Variants in PRTG observed in about 807,000 individuals in gnomAD.
PRTG encodes the protein protogenin, also known as immunoglobulin superfamily, DCC subclass, member 5.
In PRTG, 67 loss-of-function variants were observed where a neutral mutation model predicts 122.5. The observed-to-expected ratio is 0.55, with a 90% CI of 0.45 to 0.67. The LOEUF (loss-of-function observed/expected upper bound fraction) is 0.67. PRTG is among the 30% of genes least tolerant of loss of function. The pLI is 0.00. For synonymous variants in PRTG, 554 were observed against 501.1 expected (o/e 1.11, Z -1.41); for missense variants, 1,435 against 1,415.4 (o/e 1.01, Z -0.22).
chr15:55,742,494 A>AAGCAAAG, intron 1 of PRTG: 1 of 203,842 alleles, frequency 4.9e-6, no homozygotes, highest in Non-Finnish European at 9.7e-6. Flanking sequence ...CCGGTCGCGG[A>AAGCAAAG]GGCGCGGACG....
intron 2 of PRTG, among the ~76,000 whole-genome samples, chr15:55,715,815 C>T (rs1054900864): frequency 6.6e-6 from 1 of 152,206 alleles, no homozygotes; most frequent in East Asian, 1.9e-4. Flanking sequence ...CTTGGTCTCT[C>T]AGCAAACATG....
At position 55,615,948 on chromosome 15, in the gene PRTG, T is replaced by A. The variant is rs759809526; in HGVS notation, c.*4064A>T. 2 of 152,144 alleles carry A rather than the reference T, an allele frequency of 1.3e-5. No homozygotes were observed. The allele number at this position is 152,144 out of a possible 1,614,324, so 9.4% of individuals were successfully genotyped here. ...TCCTGGGTTGTCAACCACGAGCACA[T>A]TTCTGGCAGAAGTCCTTAACAAAGC... On this transcript the variant is annotated 3_prime_UTR_variant, in exon 20 of 20. Coordinates refer to ENST00000389286, the MANE Select transcript of PRTG (RefSeq NM_173814.6).
chr15:55,723,752 CTTTTTTT>C (rs769469226), intron 2 of PRTG, among the ~76,000 whole-genome samples: 1,793 of 127,104 alleles, frequency 0.014, 42 homozygotes, highest in African/African-American at 0.05. Flanking sequence ...TTTCTTTTTT[CTTTTTTT>C]TTTTTTTTTT....
chr15:55,645,193 TG>T (rs1156949450), intron 11 of PRTG, among the ~76,000 whole-genome samples: 2 of 151,478 alleles, frequency 1.3e-5, no homozygotes, highest in African/African-American at 4.8e-5. Context: ...CCCAGCACTT[TG>T]GGAGGCCGAG....
intron 15 of PRTG, 31 bp downstream of exon 15, chr15:55,637,139 T>C: frequency 7.0e-7 from 1 of 1,421,864 alleles, no homozygotes; most frequent in South Asian, 1.7e-5. Context: ...AATCGTACTT[T>C]TCACCCTTCA....
intron 2 of PRTG, among the ~76,000 whole-genome samples, chr15:55,729,780 A>T (rs1271576461): frequency 1.3e-5 from 2 of 152,180 alleles, no homozygotes; most frequent in Non-Finnish European, 2.9e-5. Flanking sequence ...ACTATAAAAG[A>T]GTCTCACTCC....
chr15:55,660,006 C>A (rs1425077673), intron 11 of PRTG, among the ~76,000 whole-genome samples: 2 of 152,032 alleles, frequency 1.3e-5, no homozygotes, highest in Non-Finnish European at 2.9e-5. Context: ...TTAAGTTTCA[C>A]TATCCATAAG....
At chr15:55,644,833 G>C (rs71476738) in intron 11 of PRTG, among the ~76,000 whole-genome samples, 21,020 of 151,934 alleles carry the variant, frequency 0.14, 1,927 homozygotes, top group African/African-American at 0.26. Flanking sequence ...AAGATTATAG[G>C]ACATAGGACA....
chr15:55,714,550 T>C (rs2030528913), intron 2 of PRTG, among the ~76,000 whole-genome samples: 1 of 152,042 alleles, frequency 6.6e-6, no homozygotes, highest in South Asian at 2.1e-4. Flanking sequence ...CCCCCTTTTT[T>C]TTTTAAATAG....
intron 16 of PRTG, 35 bp downstream of exon 16, chr15:55,628,787 A>C (rs1363509498): frequency 6.5e-7 from 1 of 1,528,968 alleles, no homozygotes; most frequent in East Asian, 2.3e-5. Flanking sequence ...TTTTTTTCTT[A>C]AGAAAAATCA....
At position 55,673,374 on chromosome 15, in the gene PRTG, T is replaced by C. The variant is rs2059483716; in HGVS notation, c.1849A>G (p.Lys617Glu). ...TTAACAGTCTTCAGAAATTCACCTT[T>C]CACGCTTGTAGCTTTGGGCGTCCTA... is the stretch of plus-strand genomic sequence containing the variant. Reference protein sequence around the residue: ...SHRTPKATSVKAPKSPELHLE... With the variant: ...SHRTPKATSVEAPKSPELHLE... Residue 617 changes from lysine (K) to glutamate (E), a missense_variant, in exon 10 of 20, where the codon AAA (lysine) becomes GAA (glutamate). Physicochemically the swap from Lys to Glu is moderately conservative, Grantham distance 56. Coordinates refer to ENST00000389286, the MANE Select transcript of PRTG (RefSeq NM_173814.6). 1.2e-6 allele frequency: 2 copies of C among 1,608,124 alleles called. No individual in the cohort carries two copies. Among genetic ancestry groups the C allele is most frequent in the Non-Finnish European group, 1.7e-6 (2 of 1,175,014 alleles).
At chr15:55,740,269 C>G in intron 2 of PRTG, 113 bp downstream of exon 2, 1 of 945,424 alleles carries the variant, frequency 1.1e-6, no homozygotes, top group Non-Finnish European at 1.6e-6. Context: ...ACTATTATCT[C>G]CAGTAAAATT....
intron 2 of PRTG, among the ~76,000 whole-genome samples, chr15:55,697,211 T>C (rs1426817234): frequency 6.6e-6 from 1 of 152,172 alleles, no homozygotes. Context: ...TTAATCTCAT[T>C]AGTAACTGGT....
chr15:55,730,896 C>G (rs1385205601), intron 2 of PRTG, among the ~76,000 whole-genome samples: 1 of 152,192 alleles, frequency 6.6e-6, no homozygotes, highest in East Asian at 1.9e-4. Context: ...TCCCAGCTTC[C>G]TATTCCTTAT....
intron 2 of PRTG, among the ~76,000 whole-genome samples, chr15:55,723,115 C>A (rs2030893055): frequency 6.6e-6 from 1 of 152,068 alleles, no homozygotes; most frequent in Admixed American, 6.6e-5. Context: ...AAAACTGGTC[C>A]ATGACCAGGG....
intron 15 of PRTG, among the ~76,000 whole-genome samples, chr15:55,635,074 G>GTGTGTGT (rs1567076962): frequency 0.032 from 4,381 of 135,332 alleles, 84 homozygotes; most frequent in Non-Finnish European, 0.042. Context: ...GTTGGTTCTG[G>GTGTGTGT]GTGTGTGTGT....
At chr15:55,726,273 C>CGA (rs1443350439) in intron 2 of PRTG, among the ~76,000 whole-genome samples, 2 of 152,038 alleles carry the variant, frequency 1.3e-5, no homozygotes, top group Non-Finnish European at 2.9e-5. Context: ...GATGGGGTTT[C>CGA]ACCTTGTGGG....
At chr15:55,719,328 A>G (rs1567113720) in intron 2 of PRTG, among the ~76,000 whole-genome samples, 1 of 152,206 alleles carries the variant, frequency 6.6e-6, no homozygotes, top group African/African-American at 2.4e-5. Context: ...AACAAAAAAC[A>G]GTGTGTTTGT....
chr15:55,735,299 C>G (rs1482087527), intron 2 of PRTG, among the ~76,000 whole-genome samples: 2 of 152,070 alleles, frequency 1.3e-5, no homozygotes, highest in African/African-American at 4.8e-5. Flanking sequence ...TCAATTCTAA[C>G]TGAGCAACCT....
Sources: allele counts gnomAD v4.1 joint callset (sites outside exome capture counted in the v4.1 genomes callset), GRCh38; gene constraint gnomAD v4.1.1; transcripts MANE v1.5; gene names NCBI Gene and HGNC (gene_info 2026-07-23, HGNC 2026-07-21).